Variants in PDE1C observed in about 807,000 individuals in gnomAD.
PDE1C encodes phosphodiesterase 1C.
Under a neutral mutation model 93.1 loss-of-function variants are expected in PDE1C, and 62 were observed. The observed-to-expected ratio is 0.67, with a 90% CI of 0.54 to 0.82. The LOEUF (loss-of-function observed/expected upper bound fraction) is 0.82. Among genes scored for constraint, PDE1C ranks in the 40% least tolerant of loss-of-function variants. PDE1C has a pLI of 0.00. For missense variants in PDE1C, 742 were observed against 884.6 expected (o/e 0.84, Z 2.04); for synonymous variants, 325 against 310.1 (o/e 1.05, Z -0.50).
intron 3 of PDE1C, among the ~76,000 whole-genome samples, chr7:32,099,953 C>A (rs1797962857): frequency 6.6e-6 from 1 of 152,114 alleles, no homozygotes; most frequent in Admixed American, 6.6e-5. Flanking sequence ...GTCAGCATCA[C>A]CAACATAAAA....
At chr7:31,654,617 A>T in the PDE1C span, among the ~76,000 whole-genome samples, 834 of 152,240 alleles carry the variant, frequency 5.5e-3, 7 homozygotes, top group African/African-American at 0.018. Context: ...GCTTCTATTC[A>T]GCCTTGGAGG....
chr7:31,866,560 T>TAA (rs1795324437), intron 6 of PDE1C, among the ~76,000 whole-genome samples: 2 of 152,162 alleles, frequency 1.3e-5, no homozygotes, highest in African/African-American at 4.8e-5. Context: ...GAAGTATTTG[T>TAA]GGTCATGTAA....
chr7:31,661,993 G>T, the PDE1C span, among the ~76,000 whole-genome samples: 2 of 152,218 alleles, frequency 1.3e-5, no homozygotes, highest in African/African-American at 4.8e-5. Flanking sequence ...ATTTCAAATG[G>T]TTATGGTTAT....
chr7:32,105,826 T>C (rs148726463), intron 3 of PDE1C, among the ~76,000 whole-genome samples: 302 of 151,980 alleles, frequency 2.0e-3, no homozygotes, highest in African/African-American at 6.9e-3. Context: ...ACACCTGGTC[T>C]GGAAAATTTT....
At chr7:32,168,335 T>C (rs1802432024) in intron 3 of PDE1C, among the ~76,000 whole-genome samples, 1 of 152,174 alleles carries the variant, frequency 6.6e-6, no homozygotes, top group South Asian at 2.1e-4. Context: ...GAGCTCTCTA[T>C]TAAAGAGCAC....
chr7:32,274,028 G>A (rs4723140), intron 1 of PDE1C, among the ~76,000 whole-genome samples: 86,370 of 151,800 alleles, frequency 0.57, 25,966 homozygotes, highest in Admixed American at 0.68. Context: ...ACATACACCA[G>A]AGGACAGCAG....
At chr7:31,665,936 T>G in the PDE1C span, among the ~76,000 whole-genome samples, 1 of 152,202 alleles carries the variant, frequency 6.6e-6, no homozygotes, top group South Asian at 2.1e-4. Context: ...CCAGATAAGA[T>G]TCCTTCCCTG....
chr7:32,074,893 A>C (rs971682548), upstream of PDE1C, among the ~76,000 whole-genome samples: 1 of 152,164 alleles, frequency 6.6e-6, no homozygotes, highest in African/African-American at 2.4e-5. Flanking sequence ...GAAAGAGAAA[A>C]TGCTGGAATG....
At chr7:32,368,971 T>G (rs1413905613) in intron 1 of PDE1C, among the ~76,000 whole-genome samples, 2 of 152,168 alleles carry the variant, frequency 1.3e-5, no homozygotes, top group African/African-American at 4.8e-5. Flanking sequence ...GACCCCCATA[T>G]GTCATCCTAT....
At chr7:32,313,065 C>G (rs1562668903) in intron 1 of PDE1C, among the ~76,000 whole-genome samples, 3 of 149,744 alleles carry the variant, frequency 2.0e-5, no homozygotes, top group Admixed American at 6.6e-5. Flanking sequence ...AAGAAAAAAA[C>G]AAACAACCCC....
chr7:31,681,690 A>G, the PDE1C span, among the ~76,000 whole-genome samples: 1,151 of 152,272 alleles, frequency 7.6e-3, 4 homozygotes, highest in Non-Finnish European at 0.011. Flanking sequence ...CACCAGGAAC[A>G]CCACCAAATC....
At chr7:31,732,610 T>TC in the PDE1C span, among the ~76,000 whole-genome samples, 1 of 136,478 alleles carries the variant, frequency 7.3e-6, no homozygotes, top group Non-Finnish European at 1.5e-5. Context: ...CCTTTAAATC[T>TC]TTCTCTCTCT....
At chr7:32,355,528 C>T (rs200161348) in intron 1 of PDE1C, among the ~76,000 whole-genome samples, 9 of 151,888 alleles carry the variant, frequency 5.9e-5, no homozygotes, top group African/African-American at 1.2e-4. Flanking sequence ...AATCTTTCTC[C>T]GTTTCTGCTT....
the PDE1C span, among the ~76,000 whole-genome samples, chr7:31,670,173 G>C: frequency 6.6e-6 from 1 of 152,210 alleles, no homozygotes; most frequent in Non-Finnish European, 1.5e-5. Flanking sequence ...GGGACCAGAA[G>C]TATTGCAGAT....
At chr7:31,844,645 T>G (rs567750158) in intron 9 of PDE1C, among the ~76,000 whole-genome samples, 54 of 152,126 alleles carry the variant, frequency 3.5e-4, no homozygotes, top group African/African-American at 1.2e-3. Flanking sequence ...TGTTTTAGGT[T>G]TGCTGAGTTT....
At chr7:32,419,548 T>C (rs1214700960) in intron 1 of PDE1C, among the ~76,000 whole-genome samples, 1 of 152,164 alleles carries the variant, frequency 6.6e-6, no homozygotes, top group Non-Finnish European at 1.5e-5. Flanking sequence ...TAGTTACTGT[T>C]CTGGCAGTGA....
rs188431049 is a variant in PDE1C at position 32,231,313 on chromosome 7, A to T, written c.86-21774T>A. Among the ~76,000 whole-genome samples, 7 of 152,272 alleles carry T rather than the reference A, an allele frequency of 4.6e-5. No homozygotes were observed. The East Asian group carries it at 1.3e-3, about 29-fold the overall frequency. ...AGAGCACAGGATAGAATGCCAACATAAATACACACACACACGCGCACGTGC... is the reference window on the plus strand; with the variant it reads ...AGAGCACAGGATAGAATGCCAACATTAATACACACACACACGCGCACGTGC... On this transcript the variant is annotated intron_variant, in intron 1 of 18. Coordinates refer to the PDE1C transcript ENST00000396193.
rs141571549 is a variant in PDE1C, at chr7:32,306,761, T to C, written c.311-97222A>G. Among the ~76,000 whole-genome samples the C allele has an allele frequency of 1.5e-3, 231 of 152,304 alleles. 1 individual carries two copies. The highest frequency in any genetic ancestry group is 6.8e-3 in the Middle Eastern group (2 of 294). ...GAATCTTGGGGGAAACTGGGGAACA[T>C]AGGGAAGTTTGGACCTTCTCCTGTA... On this transcript the variant is annotated intron_variant, in intron 1 of 1. Transcript: ENST00000672256.
chr7:31,927,207 G>T (rs148613393), intron 2 of PDE1C, among the ~76,000 whole-genome samples: 1 of 152,132 alleles, frequency 6.6e-6, no homozygotes, highest in Non-Finnish European at 1.5e-5. Context: ...GGAACTCACC[G>T]CAGTGTGGCA....
Sources: allele counts gnomAD v4.1 joint callset (sites outside exome capture counted in the v4.1 genomes callset), GRCh38; gene constraint gnomAD v4.1.1; transcripts MANE v1.5; gene names NCBI Gene and HGNC (gene_info 2026-07-23, HGNC 2026-07-21).